POTEE: variants seen among roughly 807,000 people sequenced by gnomAD.
POTEE encodes the protein POTE ankyrin domain family member E, also known as ANKRD26-like family C member 1A.
A neutral mutation model predicts 74.2 loss-of-function variants in POTEE; 21 were observed. The observed-to-expected ratio is 0.28, with a 90% CI of 0.20 to 0.41. The LOEUF (loss-of-function observed/expected upper bound fraction) is 0.41. Among genes scored for constraint, POTEE ranks in the 10% least tolerant of loss-of-function variants. The pLI is 1.00. For synonymous variants in POTEE, 211 were observed against 432.8 expected, an observed-to-expected ratio of 0.49 and a Z score of 6.36; for missense variants, 525 against 1,158.6, an observed-to-expected ratio of 0.45 and a Z score of 7.94.
chr2:131,235,429 G>A (rs1701097769), intron 9 of POTEE, among the ~76,000 whole-genome samples: 1 of 151,960 alleles, frequency 6.6e-6, no homozygotes. Flanking sequence ...GCAGCCTCAA[G>A]GAAGGAGGTA....
chr2:131,213,193 T>A (rs1700391903), intron 2 of POTEE, among the ~76,000 whole-genome samples: 1 of 152,178 alleles, frequency 6.6e-6, no homozygotes, highest in South Asian at 2.1e-4. Context: ...ACACCTGACC[T>A]CAGGTGATCC....
At chr2:131,219,811 T>C (rs1260448841) in intron 4 of POTEE, among the ~76,000 whole-genome samples, 2 of 152,210 alleles carry the variant, frequency 1.3e-5, no homozygotes, top group East Asian at 1.9e-4. Flanking sequence ...AGCAAAGTTT[T>C]AGCGTTTTTA....
At chr2:131,260,280 T>A (rs1401430848) in intron 16 of POTEE, among the ~76,000 whole-genome samples, 3 of 149,780 alleles carry the variant, frequency 2.0e-5, no homozygotes, top group Non-Finnish European at 4.4e-5. Context: ...TTTTGCTTGA[T>A]ATGTCTGTTG....
chr2:131,226,731 A>G (rs1700790938), intron 6 of POTEE, 92 bp from the exon 7 acceptor site: 3 of 1,588,038 alleles, frequency 1.9e-6, no homozygotes, highest in Non-Finnish European at 2.6e-6. Flanking sequence ...TATGCGTGTA[A>G]GTCCATAAGA....
At chr2:131,232,910 G>C (rs1362676338) in intron 9 of POTEE, among the ~76,000 whole-genome samples, 3 of 151,864 alleles carry the variant, frequency 2.0e-5, no homozygotes, top group East Asian at 3.9e-4. Context: ...CATGCAAAGG[G>C]CTTCCTGTAA....
intron 16 of POTEE, among the ~76,000 whole-genome samples, chr2:131,258,274 G>T (rs1173054152): frequency 3.4e-5 from 2 of 59,048 alleles, no homozygotes; most frequent in East Asian, 4.6e-4. Flanking sequence ...CAGAATTGTG[G>T]ATTTAAAGTT....
chr2:131,262,576 ATATTTACACCACAGAAGTAAGTGTGG>A lies in POTEE; in HGVS notation c.1899+732_1900-752del, dbSNP rs1240340492. On this transcript the variant is annotated intron_variant, in intron 17 of 17. Transcript: ENST00000683005. ...AACAAAAGGTTTCTTTTGTATTTAT[ATATTTACACCACAGAAGTAAGTGTGG>A]TTTTGTGGAGGATCACTAGAAGTAG... Among the ~76,000 whole-genome samples the A allele has an allele frequency of 4.0e-3, 571 of 143,900 alleles. 1 individual carries two copies. The highest frequency in any genetic ancestry group is 0.018 in the South Asian group (75 of 4,268). The allele number at this position is 143,900 out of a possible 152,430, so 94.4% of individuals were successfully genotyped here. A position where few individuals can be genotyped will look rare whatever the true frequency, so the allele number is the denominator to read the frequency against.
chr2:131,212,243 T>G (rs1401337350), intron 2 of POTEE, among the ~76,000 whole-genome samples: 1 of 152,020 alleles, frequency 6.6e-6, no homozygotes, highest in Non-Finnish European at 1.5e-5. Context: ...AAACCACTTA[T>G]GCCTAGTGTT....
rs764339068 is a variant in POTEE at position 131,263,822 on chromosome 2, C to A, written c.2367C>A (p.Thr789=). 12 of 1,613,960 alleles carry A rather than the reference C, an allele frequency of 7.4e-6. 1 individual carries two copies. Among genetic ancestry groups the A allele is most frequent in the Non-Finnish European group, 3.4e-6 (4 of 1,180,032 alleles). Reference sequence around the variant, plus strand: ...ACATGGAGAAGATCTGGCACCACACCTTCTACAACGAGCTGCGTGTGGCTC... The same window carrying A: ...ACATGGAGAAGATCTGGCACCACACATTCTACAACGAGCTGCGTGTGGCTC... ...WDDMEKIWHH[T]FYNELRVAPE... is the part of the protein sequence containing the mutation. The change falls in exon 18 of 18, where the codon ACC becomes ACA. Residue 789 remains threonine (T), a synonymous_variant. Transcript: ENST00000683005.
At chr2:131,237,111 T>C (rs1293086410) in intron 10 of POTEE, among the ~76,000 whole-genome samples, 1 of 152,068 alleles carries the variant, frequency 6.6e-6, no homozygotes, top group African/African-American at 2.4e-5. Flanking sequence ...TTATAGCTAA[T>C]CTTTCCTTTT....
intron 9 of POTEE, among the ~76,000 whole-genome samples, chr2:131,235,250 C>T (rs1369779274): frequency 6.6e-6 from 1 of 151,216 alleles, no homozygotes; most frequent in East Asian, 2.0e-4. Context: ...AACCCTAATG[C>T]CTAGCATGTA....
Position 131,263,374 on chromosome 2 carries a change from A to G in POTEE, c.1919A>G (p.Lys640Arg). The change falls in exon 18 of 18, where the codon AAA becomes AGA. Residue 640 changes from lysine (K) to arginine (R), a missense_variant. Physicochemically the swap from Lys to Arg is conservative, Grantham distance 26. Coordinates refer to ENST00000683005, the MANE Select transcript of POTEE (RefSeq NM_001083538.3). Reference sequence around the variant, plus strand: ...ACTTAGCTTTCTCTTAGTTGTAAGAAAGAAAAAGACGTCTTGCATGAAAAT... The same window carrying G: ...ACTTAGCTTTCTCTTAGTTGTAAGAGAGAAAAAGACGTCTTGCATGAAAAT... ...MNSELSLSCKKEKDVLHENST... is the reference protein window; with the variant it reads ...MNSELSLSCKREKDVLHENST... The G allele has an allele frequency of 1.2e-6, 2 of 1,611,678 alleles. No homozygotes were observed. The highest frequency in any genetic ancestry group is 1.7e-6 in the Non-Finnish European group (2 of 1,179,776).
chr2:131,235,246 A>G (rs564952738), intron 9 of POTEE, among the ~76,000 whole-genome samples: 1 of 151,324 alleles, frequency 6.6e-6, no homozygotes, highest in African/African-American at 2.4e-5. Flanking sequence ...TTTAAACCCT[A>G]ATGCCTAGCA....
chr2:131,231,299 C>T (rs1311725951), intron 9 of POTEE, among the ~76,000 whole-genome samples: 1 of 150,148 alleles, frequency 6.7e-6, no homozygotes, highest in Non-Finnish European at 1.5e-5. Context: ...TATCACTGAT[C>T]TGACTGGAGG....
At chr2:131,210,445 G>A (rs1700334039) in intron 1 of POTEE, among the ~76,000 whole-genome samples, 2 of 151,218 alleles carry the variant, frequency 1.3e-5, no homozygotes, top group African/African-American at 2.4e-5. Flanking sequence ...TGCTATGGGG[G>A]CTATACTGCC....
rs568524799 is a variant in POTEE, at chr2:131,211,612, G to A, written c.-189+429G>A. Among the ~76,000 whole-genome samples, 24 of 141,144 alleles carry A rather than the reference G, an allele frequency of 1.7e-4. No homozygotes were observed. The East Asian group carries it at 5.2e-3, about 31-fold the overall frequency. 92.6% of individuals were successfully genotyped at this position (141,144 alleles called of 152,430 possible). On this transcript the variant is annotated intron_variant, in intron 2 of 17. Transcript: ENST00000683005. ...CTTTTGCCCAGGCTGGAGTGCAGTG[G>A]TGCGATCTCGGCTCACTGCAAGCTC...
intron 4 of POTEE, 140 bp from the exon 5 acceptor site, chr2:131,223,456 G>A: frequency 1.1e-6 from 1 of 888,592 alleles, no homozygotes; most frequent in African/African-American, 1.8e-5. Flanking sequence ...TAAATAGTGT[G>A]CTTTTTTCAT....
chr2:131,213,046 T>C (rs1199423830), intron 2 of POTEE, among the ~76,000 whole-genome samples: 1 of 151,212 alleles, frequency 6.6e-6, no homozygotes, highest in Admixed American at 6.6e-5. Flanking sequence ...CTGCAACCCC[T>C]GCCTCCTGGG....
chr2:131,262,023 A>C (rs1309528896), intron 17 of POTEE, among the ~76,000 whole-genome samples, 177 bp downstream of exon 17: 1 of 112,954 alleles, frequency 8.9e-6, no homozygotes, highest in Non-Finnish European at 2.1e-5. Context: ...ATTCACCTTC[A>C]TTTGCCTGCA....
Sources: gnomAD v4.1 joint callset for allele counts (sites outside exome capture counted in the v4.1 genomes callset) on GRCh38, gnomAD v4.1.1 for gene constraint, MANE v1.5 for transcripts, NCBI Gene and HGNC (gene_info 2026-07-23, HGNC 2026-07-21) for gene names.